Variants in RBPJ observed in about 807,000 individuals in gnomAD.
The protein encoded by RBPJ is recombination signal binding protein for immunoglobulin kappa J region, also known as recombining binding protein suppressor of hairless.
RBPJ carries 9 observed loss-of-function variants against 67.8 expected under a neutral mutation model. That is an observed-to-expected ratio of 0.13 (90% CI 0.08 to 0.23). The LOEUF (loss-of-function observed/expected upper bound fraction) is 0.23, where lower values mean the gene tolerates loss of function less well. Ranked by LOEUF, RBPJ falls within the 10% of genes least tolerant of loss-of-function variation. The pLI, the probability that RBPJ is intolerant of heterozygous loss-of-function variation, is 1.00. For synonymous variants in RBPJ, 198 were observed against 203.3 expected, an observed-to-expected ratio of 0.97 and a Z score of 0.22; for missense variants, 305 against 595.6, an observed-to-expected ratio of 0.51 and a Z score of 5.08.
intron 1 of RBPJ, among the ~76,000 whole-genome samples, chr4:26,210,075 G>A (rs944786892): frequency 2.6e-5 from 4 of 152,102 alleles, no homozygotes; most frequent in African/African-American, 7.2e-5. Flanking sequence ...TTTGCTTCTA[G>A]CTGTCTTCCA....
chr4:26,409,720 G>A (rs1008157217), intron 3 of RBPJ, among the ~76,000 whole-genome samples: 8 of 151,914 alleles, frequency 5.3e-5, no homozygotes, highest in African/African-American at 1.9e-4. Flanking sequence ...GGCTGGTCTC[G>A]AACTCTTGAC....
chr4:26,401,632 T>G (rs1376903705), intron 2 of RBPJ, among the ~76,000 whole-genome samples: 1 of 152,236 alleles, frequency 6.6e-6, no homozygotes, highest in African/African-American at 2.4e-5. Context: ...ATCTTGCCTT[T>G]AAAGACTTTG....
At chr4:26,108,484 A>G in the RBPJ span, among the ~76,000 whole-genome samples, 2 of 152,190 alleles carry the variant, frequency 1.3e-5, no homozygotes, top group Non-Finnish European at 2.9e-5. Context: ...AAAAAAACAA[A>G]GTCTGCGCTA....
chr4:26,256,233 A>G (rs1162015324), intron 1 of RBPJ, among the ~76,000 whole-genome samples: 1 of 151,724 alleles, frequency 6.6e-6, no homozygotes, highest in East Asian at 1.9e-4. Flanking sequence ...CTGCCAAGCC[A>G]CAGCCCCACC....
chr4:26,154,665 A>G, the RBPJ span, among the ~76,000 whole-genome samples: 2 of 152,328 alleles, frequency 1.3e-5, no homozygotes, highest in East Asian at 3.9e-4. Flanking sequence ...AAGACTGGGT[A>G]ATTATAATTG....
chr4:26,303,835 A>T (rs991578563), intron 1 of RBPJ, among the ~76,000 whole-genome samples: 2 of 152,166 alleles, frequency 1.3e-5, no homozygotes, highest in African/African-American at 4.8e-5. Flanking sequence ...AGTTAAATTA[A>T]TTTTTTCTGC....
chr4:26,272,099 G>A (rs574526764), intron 1 of RBPJ, among the ~76,000 whole-genome samples: 1 of 152,256 alleles, frequency 6.6e-6, no homozygotes, highest in South Asian at 2.1e-4. Flanking sequence ...AGGGAAAAAA[G>A]CTTTTAGGGC....
chr4:26,333,086 A>AT (rs898924445), intron 1 of RBPJ, among the ~76,000 whole-genome samples: 1 of 152,112 alleles, frequency 6.6e-6, no homozygotes, highest in Non-Finnish European at 1.5e-5. Context: ...TTATATGTGG[A>AT]TTTTTTTCCT....
At chr4:26,271,541 C>T (rs531967437) in intron 1 of RBPJ, among the ~76,000 whole-genome samples, 198 of 152,126 alleles carry the variant, frequency 1.3e-3, no homozygotes, top group Non-Finnish European at 2.4e-3. Context: ...CCCAGTTAAT[C>T]TTCTCTGCTT....
chr4:26,403,142 T>A (rs190526171), intron 2 of RBPJ, among the ~76,000 whole-genome samples: 1 of 152,168 alleles, frequency 6.6e-6, no homozygotes. Context: ...TTCGTTTAGA[T>A]TGAAAATTCA....
chr4:26,334,666 T>C (rs969984378), intron 1 of RBPJ, among the ~76,000 whole-genome samples: 2 of 152,202 alleles, frequency 1.3e-5, no homozygotes, highest in Admixed American at 6.5e-5. Context: ...TTTTCCCTTA[T>C]GCTTACATAT....
chr4:26,130,981 G>C, the RBPJ span, among the ~76,000 whole-genome samples: 1 of 152,202 alleles, frequency 6.6e-6, no homozygotes. Context: ...GGGCCACGAT[G>C]GCTTGGGATC....
chr4:26,126,623 T>C, the RBPJ span, among the ~76,000 whole-genome samples: 58 of 152,248 alleles, frequency 3.8e-4, no homozygotes, highest in Non-Finnish European at 7.1e-4. Flanking sequence ...CCAAACTTGT[T>C]CTGCAGCCTT....
intron 2 of RBPJ, among the ~76,000 whole-genome samples, chr4:26,393,352 T>C (rs1731736287): frequency 2.0e-5 from 3 of 152,116 alleles, no homozygotes; most frequent in African/African-American, 7.2e-5. Context: ...TTTGATAATA[T>C]AATTTTAGGT....
chr4:26,275,325 T>C (rs1252519683), intron 1 of RBPJ, among the ~76,000 whole-genome samples: 1 of 152,212 alleles, frequency 6.6e-6, no homozygotes, highest in Non-Finnish European at 1.5e-5. Context: ...TGCCACTTGC[T>C]GGCAGGGTGA....
chr4:26,360,566 G>A (rs1299101002), intron 1 of RBPJ, among the ~76,000 whole-genome samples: 1 of 150,308 alleles, frequency 6.7e-6, no homozygotes, highest in African/African-American at 2.4e-5. Flanking sequence ...GCATGGAAGC[G>A]GAATGTTTTC....
At chr4:26,225,678 TA>T (rs1719051612) in intron 1 of RBPJ, among the ~76,000 whole-genome samples, 3 of 152,004 alleles carry the variant, frequency 2.0e-5, no homozygotes, top group Admixed American at 1.3e-4. Context: ...ATGTTAATAA[TA>T]GGGGAAACTT....
At chr4:26,219,111 A>T (rs916607051) in intron 1 of RBPJ, among the ~76,000 whole-genome samples, 1 of 152,226 alleles carries the variant, frequency 6.6e-6, no homozygotes, top group Non-Finnish European at 1.5e-5. Flanking sequence ...TTAGAAGAAA[A>T]AAAATGAGTC....
chr4:26,416,318 A>C (rs1270813169), intron 4 of RBPJ, among the ~76,000 whole-genome samples: 1 of 152,158 alleles, frequency 6.6e-6, no homozygotes, highest in Admixed American at 6.5e-5. Context: ...GAAATGCAAT[A>C]GTGCAATCTT....
Sources: gnomAD v4.1 joint callset for allele counts (sites outside exome capture counted in the v4.1 genomes callset) on GRCh38, gnomAD v4.1.1 for gene constraint, MANE v1.5 for transcripts, NCBI Gene and HGNC (gene_info 2026-07-23, HGNC 2026-07-21) for gene names.